Variants in DOCK3 observed in about 807,000 individuals in gnomAD.
DOCK3 encodes dedicator of cytokinesis 3, also known as dedicator of cytokinesis protein 3.
A neutral mutation model predicts 265.6 loss-of-function variants in DOCK3; 60 were observed. That is an observed-to-expected ratio of 0.23 (90% CI 0.18 to 0.28). The LOEUF (loss-of-function observed/expected upper bound fraction) is 0.28, where lower values mean the gene tolerates loss of function less well. Ranked by LOEUF, DOCK3 falls within the 10% of genes least tolerant of loss-of-function variation. The probability of loss-of-function intolerance (pLI) is 1.00; values close to 1 mark genes in which losing one functional copy is unlikely to be tolerated. For synonymous variants in DOCK3, 881 were observed against 938.0 expected (o/e 0.94, Z 1.11); for missense variants, 1,981 against 2,594.3 (o/e 0.76, Z 5.14).
At chr3:50,937,656 G>A (rs945070375) in intron 5 of DOCK3, among the ~76,000 whole-genome samples, 4 of 152,028 alleles carry the variant, frequency 2.6e-5, no homozygotes, top group African/African-American at 7.2e-5. Flanking sequence ...ACTCTGTCTC[G>A]AAAAACAACA....
intron 5 of DOCK3, among the ~76,000 whole-genome samples, chr3:50,970,966 G>GTGTGTA (rs1559878984): frequency 3.7e-5 from 1 of 27,100 alleles, no homozygotes; most frequent in South Asian, 2.1e-3. Context: ...GTGTGTGTGT[G>GTGTGTA]TATATATATA....
intron 4 of DOCK3, among the ~76,000 whole-genome samples, chr3:50,903,942 G>A (rs148210062): frequency 2.0e-5 from 3 of 152,042 alleles, no homozygotes; most frequent in Non-Finnish European, 4.4e-5. Flanking sequence ...AGGCCCCAGT[G>A]TGTGATGTTC....
At chr3:51,003,945 C>G (rs2078572766) in intron 5 of DOCK3, among the ~76,000 whole-genome samples, 1 of 152,044 alleles carries the variant, frequency 6.6e-6, no homozygotes, top group Non-Finnish European at 1.5e-5. Flanking sequence ...TCCTAAGAAT[C>G]AAGAAATTTT....
intron 9 of DOCK3, among the ~76,000 whole-genome samples, chr3:51,145,058 A>G (rs1335070968): frequency 6.6e-6 from 1 of 152,192 alleles, no homozygotes; most frequent in East Asian, 1.9e-4. Flanking sequence ...TTTCTAGTCC[A>G]ATAATTGTAA....
In DOCK3 at chr3:51,330,215, C is replaced by T; in HGVS notation, c.3480C>T (p.Phe1160=). 1 of 1,595,708 alleles carries T rather than the reference C, an allele frequency of 6.3e-7. No individual in the cohort carries two copies. The highest frequency in any genetic ancestry group is 8.5e-7 in the Non-Finnish European group (1 of 1,171,174). The part of the protein sequence containing the change: ...GKGDESYREL[F]SLLTQLFGPY... ...GTGACGAGAGCTACAGGGAGCTCTT[C>T]AGCCTACTGTAAGCTGCTCCAGCCC... Residue 1160 remains phenylalanine (F), a synonymous_variant, in exon 33 of 53, where the codon TTC becomes TTT. Coordinates refer to ENST00000266037, the MANE Select transcript of DOCK3 (RefSeq NM_004947.5).
intron 5 of DOCK3, among the ~76,000 whole-genome samples, chr3:50,982,360 C>T (rs2077724577): frequency 6.6e-6 from 1 of 152,036 alleles, no homozygotes; most frequent in Non-Finnish European, 1.5e-5. Flanking sequence ...TTTATCACCG[C>T]AATTTGGTGG....
chr3:51,164,548 C>T (rs1475831884), intron 12 of DOCK3, among the ~76,000 whole-genome samples: 2 of 144,992 alleles, frequency 1.4e-5, no homozygotes, highest in East Asian at 2.2e-4. Flanking sequence ...GGCGTGAACC[C>T]GGGAGGCAGA....
At chr3:51,147,022 A>T (rs2085329992) in intron 10 of DOCK3, among the ~76,000 whole-genome samples, 1 of 152,088 alleles carries the variant, frequency 6.6e-6, no homozygotes, top group Non-Finnish European at 1.5e-5. Context: ...GTGAGGCAAG[A>T]GGACCGCCTG....
At position 50,934,033 on chromosome 3, in the gene DOCK3, G is replaced by A. The variant is rs766910789; in HGVS notation, c.271G>A (p.Ala91Thr). Residue 91 changes from alanine to threonine, a missense_variant, in exon 5 of 53, where the codon GCA (alanine) becomes ACA (threonine). Physicochemically the swap from Ala to Thr is moderately conservative, Grantham distance 58. Transcript: ENST00000266037. ...LEDSIVTEVTATLQEWASLWK... is the reference protein window; with the variant it reads ...LEDSIVTEVTTTLQEWASLWK... ...AGATTCTATTGTGACTGAGGTTACA[G>A]CAACTCTACAAGAATGGGCAAGTTT... 4.8e-5 allele frequency: 78 copies of A among 1,610,814 alleles called. No homozygotes were observed. Among genetic ancestry groups the A allele is most frequent in the Non-Finnish European group, 6.3e-5 (74 of 1,178,238 alleles).
chr3:50,791,003 G>A lies in DOCK3; in HGVS notation c.121+12245G>A, dbSNP rs570591700. Among the ~76,000 whole-genome samples the A allele has an allele frequency of 4.3e-4, 66 of 151,990 alleles. 1 individual carries two copies. Among genetic ancestry groups the A allele is most frequent in the South Asian group, 2.7e-3 (13 of 4,808 alleles). On this transcript the variant is annotated intron_variant, in intron 2 of 52. Coordinates refer to ENST00000266037, the MANE Select transcript of DOCK3 (RefSeq NM_004947.5). ...AAATTTGTTTAAGTTCCTTGTAGAC[G>A]ATATTAGACCTTTGTCAGATGGATA...
chr3:51,128,910 G>A (rs193229088), intron 9 of DOCK3, among the ~76,000 whole-genome samples: 2 of 152,282 alleles, frequency 1.3e-5, no homozygotes, highest in East Asian at 3.9e-4. Flanking sequence ...AAGAGGCTGA[G>A]TGGTGTCCAC....
Position 50,854,544 on chromosome 3 carries a change from C to T in DOCK3, c.162+12829C>T, listed in dbSNP as rs2046490243. Reference sequence around the variant, plus strand: ...CTCCTGGGCTCAAGTGATCCTTCTGCCTCAGCTTTCAGAGTTGCTTGAGCT... The same window carrying T: ...CTCCTGGGCTCAAGTGATCCTTCTGTCTCAGCTTTCAGAGTTGCTTGAGCT... On this transcript the variant is annotated intron_variant, in intron 3 of 52. Transcript: ENST00000266037. Among the ~76,000 whole-genome samples the T allele has an allele frequency of 1.5e-5, 2 of 132,490 alleles. 1 individual carries two copies. Among genetic ancestry groups the T allele is most frequent in the South Asian group, 5.1e-4 (2 of 3,942 alleles). 86.9% of individuals were successfully genotyped at this position (132,490 alleles called of 152,430 possible).
chr3:50,888,038 G>A (rs2048430377), intron 3 of DOCK3, among the ~76,000 whole-genome samples: 1 of 152,090 alleles, frequency 6.6e-6, no homozygotes, highest in Non-Finnish European at 1.5e-5. Flanking sequence ...AGAAATAAAG[G>A]ATATTCAATT....
At chr3:50,747,473 A>G (rs2039517256) in intron 1 of DOCK3, among the ~76,000 whole-genome samples, 1 of 152,216 alleles carries the variant, frequency 6.6e-6, no homozygotes, top group Non-Finnish European at 1.5e-5. Context: ...TTTCAGAAAT[A>G]TTTTAGTTAT....
chr3:50,883,011 G>A (rs958460823), intron 3 of DOCK3, among the ~76,000 whole-genome samples: 1 of 152,080 alleles, frequency 6.6e-6, no homozygotes, highest in African/African-American at 2.4e-5. Flanking sequence ...GCAAACTATT[G>A]CAAGGACAGA....
chr3:51,341,909 T>G (rs1252859006), intron 38 of DOCK3, among the ~76,000 whole-genome samples: 2 of 152,248 alleles, frequency 1.3e-5, no homozygotes, highest in African/African-American at 4.8e-5. Flanking sequence ...TCTATGGGAT[T>G]GGCAGCATTG....
At chr3:51,366,126 T>C (rs2087139274) in intron 49 of DOCK3, among the ~76,000 whole-genome samples, 1 of 152,192 alleles carries the variant, frequency 6.6e-6, no homozygotes, top group South Asian at 2.1e-4. Flanking sequence ...TTGGACTTTT[T>C]TTGGTTGGGA....
chr3:50,886,324 CAATT>C (rs990958916), intron 3 of DOCK3, among the ~76,000 whole-genome samples: 2 of 151,568 alleles, frequency 1.3e-5, no homozygotes, highest in African/African-American at 4.8e-5. Flanking sequence ...TTTTTACTAT[CAATT>C]GTTTTTTTAA....
At chr3:51,234,087 G>A (rs749242879) in intron 19 of DOCK3, among the ~76,000 whole-genome samples, 1 of 152,138 alleles carries the variant, frequency 6.6e-6, no homozygotes, top group Non-Finnish European at 1.5e-5. Context: ...CATAATGGCT[G>A]TATTAATTTA....
Sources: gnomAD v4.1 joint callset for allele counts (sites outside exome capture counted in the v4.1 genomes callset) on GRCh38, gnomAD v4.1.1 for gene constraint, MANE v1.5 for transcripts, NCBI Gene and HGNC (gene_info 2026-07-23, HGNC 2026-07-21) for gene names.